LCMT1: variants seen among roughly 807,000 people sequenced by gnomAD.
The protein encoded by LCMT1 is leucine carboxyl methyltransferase 1.
LCMT1 carries 32 observed loss-of-function variants against 47.7 expected under a neutral mutation model. The observed-to-expected ratio is 0.67, with a 90% CI of 0.51 to 0.90. The LOEUF (loss-of-function observed/expected upper bound fraction) is 0.90, where lower values mean the gene tolerates loss of function less well. LCMT1 is among the 40% of genes least tolerant of loss of function. The probability of loss-of-function intolerance (pLI) is 0.00; values close to 1 mark genes in which losing one functional copy is unlikely to be tolerated. For synonymous variants in LCMT1, 152 were observed against 149.7 expected, an observed-to-expected ratio of 1.02 and a Z score of -0.11; for missense variants, 375 against 415.2, an observed-to-expected ratio of 0.90 and a Z score of 0.84.
At chr16:25,142,118 G>A (rs1042253647) in intron 4 of LCMT1, 5 of 152,300 alleles carry the variant, frequency 3.3e-5, no homozygotes, top group African/African-American at 1.2e-4. Flanking sequence ...TTGATCAGAT[G>A]GCAGTCTGGG....
intron 4 of LCMT1, chr16:25,144,787 A>T (rs114376340): frequency 1.8e-4 from 28 of 152,268 alleles, no homozygotes; most frequent in African/African-American, 6.3e-4. Context: ...GCTTCTGTGC[A>T]ACTGGATTTG....
At chr16:25,176,345 TGTG>T (rs746162867) in intron 10 of LCMT1, among the ~76,000 whole-genome samples, 64 of 152,066 alleles carry the variant, frequency 4.2e-4, no homozygotes, top group Non-Finnish European at 8.4e-4. Context: ...CCACATGACA[TGTG>T]GTCACAAGCG....
At chr16:25,114,178 C>G (rs1018508533) in intron 1 of LCMT1, among the ~76,000 whole-genome samples, 1 of 152,216 alleles carries the variant, frequency 6.6e-6, no homozygotes, top group Non-Finnish European at 1.5e-5. Context: ...AAAAGCCAGT[C>G]AGCCTTCTGG....
chr16:25,172,327 G>T (rs1341009778), intron 9 of LCMT1, among the ~76,000 whole-genome samples: 1 of 151,726 alleles, frequency 6.6e-6, no homozygotes, highest in Non-Finnish European at 1.5e-5. Context: ...AAAAAATAGG[G>T]TACATAGTAT....
At chr16:25,118,730 G>T (rs1393931282) in intron 1 of LCMT1, among the ~76,000 whole-genome samples, 1 of 152,158 alleles carries the variant, frequency 6.6e-6, no homozygotes, top group African/African-American at 2.4e-5. Flanking sequence ...ATGTCCAGCA[G>T]AGAGAAGCAG....
chr16:25,127,791 C>G (rs1549852), intron 1 of LCMT1, among the ~76,000 whole-genome samples: 116,430 of 152,124 alleles, frequency 0.77, 44,651 homozygotes, highest in Middle Eastern at 0.79. Flanking sequence ...CGGGATCCCG[C>G]TTCTTTTCAT....
intron 4 of LCMT1, chr16:25,145,219 C>T (rs1960814059): frequency 6.6e-6 from 1 of 152,112 alleles, no homozygotes; most frequent in South Asian, 2.1e-4. Context: ...GAAATCTGGG[C>T]CTTGGATGGG....
intron 4 of LCMT1, among the ~76,000 whole-genome samples, chr16:25,148,472 T>A (rs1960945894): frequency 1.3e-5 from 2 of 152,126 alleles, no homozygotes; most frequent in Non-Finnish European, 2.9e-5. Flanking sequence ...ACTGAAAGAC[T>A]TGAAGATTGT....
At chr16:25,169,005 G>T in intron 7 of LCMT1, 107 bp from the exon 8 acceptor site, 1 of 780,064 alleles carries the variant, frequency 1.3e-6, no homozygotes, top group Non-Finnish European at 2.2e-6. Flanking sequence ...CTGGGTGTGC[G>T]TCATCAAGCG....
chr16:25,172,638 T>A (rs1328341287), intron 9 of LCMT1, among the ~76,000 whole-genome samples: 2 of 152,260 alleles, frequency 1.3e-5, no homozygotes, highest in African/African-American at 4.8e-5. Flanking sequence ...TTGGCTTTGC[T>A]TTTCCATATA....
chr16:25,135,129 T>C (rs1960464786), intron 3 of LCMT1, among the ~76,000 whole-genome samples: 1 of 152,132 alleles, frequency 6.6e-6, no homozygotes, highest in Admixed American at 6.6e-5. Context: ...CAAAGTAACC[T>C]GAGGCTTACG....
Position 25,117,021 on chromosome 16 carries a change from G to A in LCMT1, c.113+5025G>A, listed in dbSNP as rs551999621. On this transcript the variant is annotated intron_variant, in intron 1 of 10. Coordinates refer to ENST00000399069, the MANE Select transcript of LCMT1 (RefSeq NM_016309.3). ...CTTGACAGAGAGTAGGGAGTGGGTA[G>A]CAGGTTAGAATTTAGAAAGCTGCTC... Among the ~76,000 whole-genome samples the A allele has an allele frequency of 1.7e-3, 266 of 152,288 alleles. No individual in the cohort carries two copies. The South Asian group carries it at 0.018, about 10-fold the overall frequency.
intron 1 of LCMT1, among the ~76,000 whole-genome samples, chr16:25,114,858 G>C (rs1445504567): frequency 6.6e-6 from 1 of 152,062 alleles, no homozygotes; most frequent in East Asian, 1.9e-4. Flanking sequence ...GAGCCTTCCT[G>C]CCCAACTGGA....
At chr16:25,145,771 AG>A (rs1960830087) in intron 4 of LCMT1, 1 of 152,136 alleles carries the variant, frequency 6.6e-6, no homozygotes, top group Non-Finnish European at 1.5e-5. Flanking sequence ...AGGTTTTAGG[AG>A]GTATGATTTC....
intron 1 of LCMT1, among the ~76,000 whole-genome samples, chr16:25,125,414 C>A (rs374461676): frequency 1.4e-4 from 22 of 152,290 alleles, no homozygotes; most frequent in African/African-American, 5.1e-4. Context: ...TCATTGTGTA[C>A]GCATGTGTTT....
At chr16:25,175,133 C>T (rs1173226295) in intron 10 of LCMT1, 99 bp downstream of exon 10, 8 of 672,416 alleles carry the variant, frequency 1.2e-5, no homozygotes, top group Non-Finnish European at 2.1e-5. Flanking sequence ...TTCCCTCTTT[C>T]TCTCTCTGTC....
intron 2 of LCMT1, among the ~76,000 whole-genome samples, chr16:25,131,324 G>A (rs957013587): frequency 3.9e-5 from 6 of 152,334 alleles, no homozygotes; most frequent in Admixed American, 2.6e-4. Context: ...ACGCCCTGGC[G>A]GCACCCCTCT....
intron 1 of LCMT1, among the ~76,000 whole-genome samples, chr16:25,115,337 C>T (rs1256748856): frequency 6.6e-6 from 1 of 152,134 alleles, no homozygotes; most frequent in African/African-American, 2.4e-5. Context: ...ATTTATCTTC[C>T]TTGCCCTTTG....
Position 25,161,620 on chromosome 16 carries a change from G to A in LCMT1, c.569+416G>A, listed in dbSNP as rs140072887. Among the ~76,000 whole-genome samples the A allele has an allele frequency of 3.5e-3, 533 of 152,244 alleles. 4 individuals carry two copies. Among genetic ancestry groups the A allele is most frequent in the African/African-American group, 0.011 (474 of 41,526 alleles). On this transcript the variant is annotated intron_variant, in intron 6 of 10. Coordinates refer to ENST00000399069, the MANE Select transcript of LCMT1 (RefSeq NM_016309.3). ...TCCGCCTGCCTTGGCCTCCCAAAGT[G>A]CTGGGTAGTTTTCTGAAATTTTTAA...
Sources: allele counts gnomAD v4.1 joint callset (sites outside exome capture counted in the v4.1 genomes callset), GRCh38; gene constraint gnomAD v4.1.1; transcripts MANE v1.5; gene names NCBI Gene and HGNC (gene_info 2026-07-23, HGNC 2026-07-21).